Variants in COL16A1 observed in about 807,000 individuals in gnomAD.
The protein encoded by COL16A1 is collagen alpha-1(XVI) chain.
A neutral mutation model predicts 266.3 loss-of-function variants in COL16A1; 189 were observed. That is an observed-to-expected ratio of 0.71 (90% CI 0.63 to 0.80). COL16A1 has a LOEUF of 0.80. Ranked by LOEUF, COL16A1 falls within the 30% of genes least tolerant of loss-of-function variation. The pLI is 0.00. For synonymous variants in COL16A1, 740 were observed against 782.3 expected, an observed-to-expected ratio of 0.95 and a Z score of 0.90; for missense variants, 1,928 against 2,122.4, an observed-to-expected ratio of 0.91 and a Z score of 1.80.
intron 2 of COL16A1, among the ~76,000 whole-genome samples, chr1:31,700,448 C>T (rs978679553): frequency 2.0e-5 from 3 of 152,236 alleles, no homozygotes; most frequent in Non-Finnish European, 4.4e-5. Flanking sequence ...AGAGAATACA[C>T]GAAGCTCTAG....
At chr1:31,689,936 A>G (rs1316185521) in intron 22 of COL16A1, 85 bp from the exon 23 acceptor site, 15 of 1,167,196 alleles carry the variant, frequency 1.3e-5, no homozygotes, top group Middle Eastern at 2.5e-4. Context: ...GACCAGCCCT[A>G]GACATTGGGT....
chr1:31,662,910 CAG>C, intron 56 of COL16A1: 1 of 577,058 alleles, frequency 1.7e-6, no homozygotes, highest in Non-Finnish European at 3.1e-6. Context: ...GCATCTTCTC[CAG>C]TGCTGACCCA....
rs116787462 is a variant in COL16A1, at chr1:31,654,214, T to C, written c.4358-171A>G. 9.2e-3 allele frequency among the ~76,000 whole-genome samples: 1,400 copies of C among 152,288 alleles called. 14 individuals carry two copies. Among genetic ancestry groups the C allele is most frequent in the Non-Finnish European group, 0.016 (1,064 of 67,992 alleles). Reference sequence around the variant, plus strand: ...GTCTCGCAAGGGGGTTCCCACGTCCTGGCCTCCACGTCGCTCCCCATGGAG... The same window carrying C: ...GTCTCGCAAGGGGGTTCCCACGTCCCGGCCTCCACGTCGCTCCCCATGGAG... On this transcript the variant is annotated intron_variant, in intron 68 of 70. Transcript: ENST00000373672.
At chr1:31,699,740 C>A in intron 4 of COL16A1, 73 bp downstream of exon 4, 1 of 994,664 alleles carries the variant, frequency 1.0e-6, no homozygotes. Flanking sequence ...GGGCTTAAGC[C>A]CCACATCTGG....
chr1:31,655,958 C>T (rs753036825), intron 66 of COL16A1: 2 of 292,108 alleles, frequency 6.8e-6, no homozygotes, highest in Middle Eastern at 1.2e-3. Context: ...GCAGCCTCTC[C>T]GACTCCCCAG....
At chr1:31,680,239 TAGGCA>T in intron 39 of COL16A1, 138 bp from the exon 40 acceptor site, 1 of 1,288,944 alleles carries the variant, frequency 7.8e-7, no homozygotes, top group Non-Finnish European at 1.1e-6. Context: ...AATGTGCCCT[TAGGCA>T]ACCTGTTCAA....
intron 59 of COL16A1, 30 bp from the exon 60 acceptor site, chr1:31,661,488 C>T (rs778450799): frequency 6.2e-7 from 1 of 1,614,206 alleles, no homozygotes. Flanking sequence ...GTTCTCATGT[C>T]CCTCATGTCA....
rs763214416 is a variant in COL16A1 at position 31,684,559 on chromosome 1, A to G, written c.2124T>C (p.Pro708=). 4.3e-6 allele frequency: 7 copies of G among 1,613,354 alleles called. No homozygotes were observed. Among genetic ancestry groups the G allele is most frequent in the Admixed American group, 3.3e-5 (2 of 59,978 alleles). ...TTGRPGLSGE[P]GVQGPAGPKG... ...TTGGCCCCGCGGGGCCCTGAACTCC[A>G]GGCTCTCCTGACAGTCCTGGCCGCC... is the stretch of plus-strand genomic sequence containing the variant. The change falls in exon 31 of 71, where the codon CCT becomes CCC. Residue 708 remains proline (P), a synonymous_variant. Transcript: ENST00000373672.
chr1:31,672,616 G>A lies in COL16A1; in HGVS notation c.2998C>T (p.Pro1000Ser). The change falls in exon 46 of 71, where the codon CCA becomes TCA. Residue 1000 changes from proline (P) to serine (S), a missense_variant. Transcript: ENST00000373672. ...CTCACCCGGGCCTCCTCGGCTCTTG[G>A]GCGCTCCAGTGACAAAAAGCACTGC... ...CAQCFLSLER[P>S]RAEEARGDNS... is the part of the protein sequence containing the mutation. 1.9e-6 allele frequency: 3 copies of A among 1,605,704 alleles called. No individual in the cohort carries two copies. The highest frequency in any genetic ancestry group is 2.6e-6 in the Non-Finnish European group (3 of 1,174,972).
intron 13 of COL16A1, 81 bp from the exon 14 acceptor site, chr1:31,692,889 G>GA: frequency 7.4e-7 from 1 of 1,354,772 alleles, no homozygotes; most frequent in South Asian, 1.2e-5. Flanking sequence ...ATCGGCCCGG[G>GA]AACCCCATAG....
At position 31,666,020 on chromosome 1, in the gene COL16A1, T is replaced by C; in HGVS notation, c.3402+17A>G. ...ACAAGACCAGGACCACATCTCCCCATGCCCTCCTTCACTCACCGCTGGGCC... is the reference window on the plus strand; with the variant it reads ...ACAAGACCAGGACCACATCTCCCCACGCCCTCCTTCACTCACCGCTGGGCC... On this transcript the variant is annotated intron_variant, in intron 53 of 70. Coordinates refer to ENST00000373672, the MANE Select transcript of COL16A1 (RefSeq NM_001856.4). 1 of 1,612,574 alleles carries C rather than the reference T, an allele frequency of 6.2e-7. No homozygotes were observed. Among genetic ancestry groups the C allele is most frequent in the Non-Finnish European group, 8.5e-7 (1 of 1,179,456 alleles).
intron 30 of COL16A1, 55 bp from the exon 31 acceptor site, chr1:31,684,685 C>A: frequency 6.2e-7 from 1 of 1,606,726 alleles, no homozygotes; most frequent in Non-Finnish European, 8.5e-7. Context: ...GGGCAGGTTG[C>A]CCCCCTGGGA....
chr1:31,693,120 G>C lies in COL16A1; in HGVS notation c.1043C>G (p.Pro348Arg), dbSNP rs746690538. ...TGCTCCCTTCTCTCCCTTGGAGCCT[G>C]GTGGACCAGGCAGGCCCCGCTCACC... is the stretch of plus-strand genomic sequence containing the variant. ...GKGERGLPGP[P>R]GSKGEKGARG... Residue 348 changes from proline to arginine, a missense_variant, in exon 13 of 71, where the codon CCA becomes CGA. Pro to Arg is a moderately radical substitution (Grantham distance 103). This residue lies in a region of COL16A1 where 1,552 missense variants were observed against 1,637.2 expected (regional missense o/e 0.95). Coordinates refer to ENST00000373672, the MANE Select transcript of COL16A1 (RefSeq NM_001856.4). 19 of 1,611,956 alleles carry C rather than the reference G, an allele frequency of 1.2e-5. No individual in the cohort carries two copies. Among genetic ancestry groups the C allele is most frequent in the Non-Finnish European group, 8.5e-7 (1 of 1,178,316 alleles).
Position 31,688,785 on chromosome 1 carries a change from T to A in COL16A1, c.1767+76A>T. 6.9e-7 allele frequency: 1 copy of A among 1,449,566 alleles called. No individual in the cohort carries two copies. The highest frequency in any genetic ancestry group is 1.4e-5 in the African/African-American group (1 of 71,332). 89.8% of individuals were successfully genotyped at this position (1,449,566 alleles called of 1,614,324 possible). On this transcript the variant is annotated intron_variant, in intron 25 of 70. Coordinates refer to ENST00000373672, the MANE Select transcript of COL16A1 (RefSeq NM_001856.4). The surrounding 1 kb of genome is among the most constrained non-coding windows in gnomAD (Gnocchi z 4.9). ...CTGATCCCTGCCCTGAGACTTGGGA[T>A]CTGAAAAGCCAGGGAGATCAACAGT...
chr1:31,673,219 A>T, intron 44 of COL16A1: 1 of 339,176 alleles, frequency 2.9e-6, no homozygotes, highest in Non-Finnish European at 5.8e-6. Flanking sequence ...TCCGAACGCC[A>T]GCTTCTCTGC....
chr1:31,659,945 CT>C (rs1641498468), intron 62 of COL16A1: 2 of 136,386 alleles, frequency 1.5e-5, no homozygotes, highest in African/African-American at 5.3e-5. Context: ...TGATGGGGGC[CT>C]GAGAGTTCTT....
chr1:31,656,134 G>C lies in COL16A1; in HGVS notation c.4101+266C>G. ...ACAAGGGCCTGGAATGTGAGCAGGA[G>C]CAAGGGAGTGCTCGGGAAATGGAAA... On this transcript the variant is annotated intron_variant, in intron 66 of 70. Coordinates refer to ENST00000373672, the MANE Select transcript of COL16A1 (RefSeq NM_001856.4). This position sits in a 1 kb window ranked among gnomAD's most constrained non-coding sequence, Gnocchi z 4.2. The C allele has an allele frequency of 1.8e-6, 1 of 559,704 alleles. No homozygotes were observed. 34.7% of individuals were successfully genotyped at this position (559,704 alleles called of 1,614,324 possible).
chr1:31,692,174 C>T, intron 16 of COL16A1, 107 bp from the exon 17 acceptor site: 2 of 1,533,514 alleles, frequency 1.3e-6, no homozygotes, highest in South Asian at 1.1e-5. Context: ...TGGTCTCTGT[C>T]TCCCCTGAGG....
At position 31,665,535 on chromosome 1, in the gene COL16A1, C is replaced by T. The variant is rs77494820; in HGVS notation, c.3492+48G>A. 4,100 of 1,613,984 alleles carry T rather than the reference C, an allele frequency of 2.5e-3. 84 individuals are homozygous for T. In the African/African-American group the frequency reaches 0.044, roughly 17 times the overall value. On this transcript the variant is annotated intron_variant, in intron 55 of 70. Transcript: ENST00000373672. The stretch of plus-strand genomic sequence containing the variant: ...CTGGCCTGGTCAGGCCTGCCCCTCC[C>T]GATGAGACCACATCAGACAGAGCTG...
Sources: allele counts gnomAD v4.1 joint callset (sites outside exome capture counted in the v4.1 genomes callset), GRCh38; gene constraint gnomAD v4.1.1; regional missense constraint gnomAD v4.1.1; non-coding constraint Gnocchi (gnomAD v3.1); transcripts MANE v1.5; gene names NCBI Gene and HGNC (gene_info 2026-07-23, HGNC 2026-07-21).